Variants in NET1 observed in about 807,000 individuals in gnomAD.
NET1 encodes neuroepithelial cell transforming 1.
In NET1, 42 loss-of-function variants were observed where a neutral mutation model predicts 61.1. The ratio of observed to expected loss-of-function variants is 0.69; its 90% CI spans 0.54 to 0.89. The LOEUF is 0.89. NET1 is among the 40% of genes least tolerant of loss of function. The pLI is 0.00. For missense variants in NET1, 654 were observed against 747.3 expected, an observed-to-expected ratio of 0.88 and a Z score of 1.46; for synonymous variants, 254 against 281.8, an observed-to-expected ratio of 0.90 and a Z score of 0.99.
rs1478174118 is a variant in NET1, at chr10:5,443,444, TTTC to T, written c.256-8381_256-8379del. Among the ~76,000 whole-genome samples, 1 of 152,182 alleles carries T rather than the reference TTTC, an allele frequency of 6.6e-6. No individual in the cohort carries two copies. The highest frequency in any genetic ancestry group is 1.5e-5 in the Non-Finnish European group (1 of 68,020). ...CTAGCACAAAGTAAGACCTTAAATT[TTTC>T]TTCTATTTTTCACCACCACCCATTA... On this transcript the variant is annotated intron_variant, in intron 3 of 11. Transcript: ENST00000355029. This position sits in a 1 kb window ranked among gnomAD's most constrained non-coding sequence, Gnocchi z 4.8.
Position 5,454,940 on chromosome 10 carries a change from A to G in NET1, c.1027-8A>G. ...AGCTGCTCTGTCAATTTTATTTATC[A>G]TTTTCAGATATTGATAATACAGGGA... On this transcript the variant is annotated splice_region_variant and splice_polypyrimidine_tract_variant and intron_variant, in intron 9 of 11. Coordinates refer to ENST00000355029, the MANE Select transcript of NET1 (RefSeq NM_001047160.3). The surrounding 1 kb of genome is among the most constrained non-coding windows in gnomAD (Gnocchi z 8.1). The G allele has an allele frequency of 1.2e-6, 2 of 1,612,548 alleles. No individual in the cohort carries two copies. Among genetic ancestry groups the G allele is most frequent in the South Asian group, 1.1e-5 (1 of 90,936 alleles).
rs893760162 is a variant in NET1 at position 5,447,020 on chromosome 10, C to T, written c.256-4810C>T. The stretch of plus-strand genomic sequence containing the variant: ...TGCAAGCTTGAAATGTGTTTAGGGA[C>T]TGTGGTCTAAGTTTAAATAGTTTAT... On this transcript the variant is annotated intron_variant, in intron 3 of 11. Coordinates refer to ENST00000355029, the MANE Select transcript of NET1 (RefSeq NM_001047160.3). The surrounding 1 kb of genome is among the most constrained non-coding windows in gnomAD (Gnocchi z 4.1). Among the ~76,000 whole-genome samples, 1 of 152,160 alleles carries T rather than the reference C, an allele frequency of 6.6e-6. No homozygotes were observed. The highest frequency in any genetic ancestry group is 2.4e-5 in the African/African-American group (1 of 41,426).
intron 3 of NET1, among the ~76,000 whole-genome samples, chr10:5,436,178 TGTGTGTGTTGTGTGTGTGTGTG>T (rs1564462657): frequency 2.9e-5 from 2 of 69,602 alleles, no homozygotes; most frequent in South Asian, 6.1e-4. Flanking sequence ...TGTGTGTGTG[TGTGTGTGTTGTGTGTGTGTGTG>T]TGTGTGTGTG....
In NET1 at chr10:5,451,700, TCTTA is replaced by T. The variant is rs1832707194; in HGVS notation, c.256-126_256-123del. ...TATTGTTTTGACAATGAAGAACAAC[TCTTA>T]CTTTCATGTTTCTGTATTTTATAAT... On this transcript the variant is annotated intron_variant, in intron 3 of 11. Coordinates refer to ENST00000355029, the MANE Select transcript of NET1 (RefSeq NM_001047160.3). The surrounding 1 kb of genome is among the most constrained non-coding windows in gnomAD (Gnocchi z 6.1). The T allele has an allele frequency of 5.0e-6, 3 of 601,182 alleles. No individual in the cohort carries two copies. The South Asian group carries it at 9.2e-5, about 18-fold the overall frequency. 37.2% of individuals were successfully genotyped at this position (601,182 alleles called of 1,614,324 possible).
chr10:5,425,025 A>G (rs1832237810), intron 1 of NET1, among the ~76,000 whole-genome samples: 1 of 152,134 alleles, frequency 6.6e-6, no homozygotes, highest in Admixed American at 6.6e-5. Context: ...GAGTGCAGTA[A>G]GTGAGGCCTT....
Position 5,456,245 on chromosome 10 carries a change from T to C in NET1, c.1356T>C (p.Phe452=), listed in dbSNP as rs1832795718. The change falls in exon 11 of 12, where the codon TTT becomes TTC. Residue 452 remains phenylalanine (F), a synonymous_variant. Coordinates refer to ENST00000355029, the MANE Select transcript of NET1 (RefSeq NM_001047160.3). This position sits in a 1 kb window ranked among gnomAD's most constrained non-coding sequence, Gnocchi z 7.0. ...GAGATGTGAGAATGGGAGGCTCCTT[T>C]CGAGGAGCTTTCAGTAACTCAGAGA... ...QDGDVRMGGS[F]RGAFSNSEKA... 6.2e-7 allele frequency: 1 copy of C among 1,612,782 alleles called. No individual in the cohort carries two copies. Among genetic ancestry groups the C allele is most frequent in the African/African-American group, 1.3e-5 (1 of 74,876 alleles).
rs1832565128 is a variant in NET1, at chr10:5,444,004, T to C, written c.256-7826T>C. Among the ~76,000 whole-genome samples, 1 of 152,256 alleles carries C rather than the reference T, an allele frequency of 6.6e-6. No homozygotes were observed. Among genetic ancestry groups the C allele is most frequent in the Non-Finnish European group, 1.5e-5 (1 of 68,042 alleles). On this transcript the variant is annotated intron_variant, in intron 3 of 11. Transcript: ENST00000355029. The surrounding 1 kb of genome is among the most constrained non-coding windows in gnomAD (Gnocchi z 5.3). ...TACGCCATATTTTAACTGATGAAGC[T>C]AACTGAACCAGACTGCTGGGGTCTA...
chr10:5,453,334 C>A lies in NET1; in HGVS notation c.679C>A (p.Pro227Thr). 1 of 1,608,774 alleles carries A rather than the reference C, an allele frequency of 6.2e-7. No homozygotes were observed. The change falls in exon 7 of 12, where the codon CCT becomes ACT. Residue 227 changes from proline to threonine, a missense_variant. By Grantham distance (38) the Pro-to-Thr change is conservative (BLOSUM62 -1). Transcript: ENST00000355029. The surrounding 1 kb of genome is among the most constrained non-coding windows in gnomAD (Gnocchi z 4.9). Reference protein sequence around the residue: ...HIFGDLDSYIPLHEDLLTRIG... With the variant: ...HIFGDLDSYITLHEDLLTRIG... The stretch of plus-strand genomic sequence containing the variant: ...ATTTGGTGATCTGGACTCTTACATA[C>A]CTCTGCATGAAGGTTAGATGTGCCA...
chr10:5,419,778 A>C (rs1167721993), intron 1 of NET1, among the ~76,000 whole-genome samples: 1 of 151,978 alleles, frequency 6.6e-6, no homozygotes, highest in Non-Finnish European at 1.5e-5. Flanking sequence ...TCGAAAGATA[A>C]TTTTGATAGT....
Position 5,412,778 on chromosome 10 carries a change from C to T in NET1, c.86C>T (p.Thr29Met), listed in dbSNP as rs1329421015. ...RASGLSTEGA[T>M]GPSADTSGSE... ...TCTGGGCTCAGCACGGAGGGAGCGACGGGGCCTTCGGCCGACACCTCCGGG... is the reference window on the plus strand; with the variant it reads ...TCTGGGCTCAGCACGGAGGGAGCGATGGGGCCTTCGGCCGACACCTCCGGG... The change falls in exon 1 of 12, where the codon ACG becomes ATG. Residue 29 changes from threonine (T) to methionine (M), a missense_variant. Thr to Met is a moderately conservative substitution (Grantham distance 81, BLOSUM62 -1). Transcript: ENST00000355029. The surrounding 1 kb of genome is among the most constrained non-coding windows in gnomAD (Gnocchi z 6.5). 6.2e-6 allele frequency: 9 copies of T among 1,458,406 alleles called. No individual in the cohort carries two copies. In the African/African-American group the frequency reaches 8.9e-5, roughly 14 times the overall value. 90.3% of individuals were successfully genotyped at this position (1,458,406 alleles called of 1,614,324 possible).
intron 1 of NET1, among the ~76,000 whole-genome samples, chr10:5,425,664 G>T (rs893587468): frequency 1.3e-5 from 2 of 152,104 alleles, no homozygotes; most frequent in Admixed American, 1.3e-4. Flanking sequence ...CCATACCTGA[G>T]CCTTCTCTTT....
chr10:5,414,212 G>A (rs1832044437), intron 1 of NET1, among the ~76,000 whole-genome samples: 1 of 152,186 alleles, frequency 6.6e-6, no homozygotes, highest in Non-Finnish European at 1.5e-5. Flanking sequence ...AGTCATGAGA[G>A]ATGATGCTAA....
At position 5,457,039 on chromosome 10, in the gene NET1, A is replaced by T; in HGVS notation, c.*45A>T. On this transcript the variant is annotated 3_prime_UTR_variant, in exon 12 of 12. Transcript: ENST00000355029. This position sits in a 1 kb window ranked among gnomAD's most constrained non-coding sequence, Gnocchi z 5.4. ...CTGATGGGAGAGACTGTTTGTTTAT[A>T]AATGTGTACAGTTTTGTTTTCTCGT... The T allele has an allele frequency of 6.7e-7, 1 of 1,500,616 alleles. No individual in the cohort carries two copies. The highest frequency in any genetic ancestry group is 8.9e-7 in the Non-Finnish European group (1 of 1,124,976). The allele number at this position is 1,500,616 out of a possible 1,614,324, so 93.0% of individuals were successfully genotyped here. A position where few individuals can be genotyped will look rare whatever the true frequency, so the allele number is the denominator to read the frequency against.
chr10:5,452,053 C>G lies in NET1; in HGVS notation c.363+116C>G. 1.3e-6 allele frequency: 1 copy of G among 746,520 alleles called. No homozygotes were observed. Among genetic ancestry groups the G allele is most frequent in the Non-Finnish European group, 2.1e-6 (1 of 475,144 alleles). The allele number at this position is 746,520 out of a possible 1,614,324, so 46.2% of individuals were successfully genotyped here. A position where few individuals can be genotyped will look rare whatever the true frequency, so the allele number is the denominator to read the frequency against. ...CATTATTATATTTAAACATAGTTTT[C>G]TTTTTGGAATATGCTAGTAAGGAAT... On this transcript the variant is annotated intron_variant, in intron 4 of 11. Coordinates refer to ENST00000355029, the MANE Select transcript of NET1 (RefSeq NM_001047160.3). This position sits in a 1 kb window ranked among gnomAD's most constrained non-coding sequence, Gnocchi z 4.0.
intron 1 of NET1, among the ~76,000 whole-genome samples, chr10:5,413,068 G>T (rs1832029080): frequency 6.6e-6 from 1 of 151,358 alleles, no homozygotes. Context: ...TGGAAGTGAG[G>T]GTGGCACAGG....
chr10:5,414,553 G>A, intron 1 of NET1, among the ~76,000 whole-genome samples: 1 of 152,174 alleles, frequency 6.6e-6, no homozygotes, highest in East Asian at 1.9e-4. Flanking sequence ...TAGTCTAAAT[G>A]AAAAAATGAT....
chr10:5,426,574 A>G lies in NET1; in HGVS notation c.129-81A>G. On this transcript the variant is annotated intron_variant, in intron 1 of 11. Transcript: ENST00000355029. The surrounding 1 kb of genome is among the most constrained non-coding windows in gnomAD (Gnocchi z 4.6). ...CTTTAAACGGTTTTGAAAGTATGAA[A>G]AGTATAGCTTTTTATCTGTTTGATG... is the stretch of plus-strand genomic sequence containing the variant. The G allele has an allele frequency of 2.7e-6, 3 of 1,121,478 alleles. No homozygotes were observed. Among genetic ancestry groups the G allele is most frequent in the Non-Finnish European group, 3.9e-6 (3 of 766,564 alleles). The allele number at this position is 1,121,478 out of a possible 1,614,324, so 69.5% of individuals were successfully genotyped here.
intron 3 of NET1, among the ~76,000 whole-genome samples, chr10:5,436,441 G>A (rs866064456): frequency 2.7e-5 from 4 of 149,216 alleles, no homozygotes; most frequent in Admixed American, 2.7e-4. Context: ...TCACTCTGGT[G>A]GTCAGAGTGG....
rs749754949 is a variant in NET1 at position 5,454,969 on chromosome 10, C to T, written c.1048C>T (p.Leu350Phe). Reference protein sequence around the residue: ...EDAILIIQGVLSDINLKKGES... With the variant: ...EDAILIIQGVFSDINLKKGES... ...TCAGATATTGATAATACAGGGAGTC[C>T]TCTCTGATATCAACTTGAAGAAAGG... Residue 350 changes from leucine (L) to phenylalanine (F), a missense_variant, in exon 10 of 12, where the codon CTC becomes TTC. Leu to Phe is a conservative substitution (Grantham distance 22, BLOSUM62 0). Transcript: ENST00000355029. This position sits in a 1 kb window ranked among gnomAD's most constrained non-coding sequence, Gnocchi z 8.1. 4 of 1,613,906 alleles carry T rather than the reference C, an allele frequency of 2.5e-6. No homozygotes were observed. Among genetic ancestry groups the T allele is most frequent in the African/African-American group, 1.3e-5 (1 of 74,912 alleles).
Sources: gnomAD v4.1 joint callset for allele counts (sites outside exome capture counted in the v4.1 genomes callset) on GRCh38, gnomAD v4.1.1 for gene constraint, Gnocchi (gnomAD v3.1) non-coding constraint, MANE v1.5 for transcripts, NCBI Gene and HGNC (gene_info 2026-07-23, HGNC 2026-07-21) for gene names.